Variants in UBE2F observed in about 807,000 individuals in gnomAD.
UBE2F encodes the protein NEDD8-conjugating enzyme UBE2F.
A neutral mutation model predicts 29.6 loss-of-function variants in UBE2F; 5 were observed. That is an observed-to-expected ratio of 0.17 (90% CI 0.09 to 0.36). The LOEUF (loss-of-function observed/expected upper bound fraction) is 0.36, where lower values mean the gene tolerates loss of function less well. UBE2F is among the 10% of genes least tolerant of loss of function. The pLI, the probability that UBE2F is intolerant of heterozygous loss-of-function variation, is 1.00. For missense variants in UBE2F, 141 were observed against 228.5 expected, an observed-to-expected ratio of 0.62 and a Z score of 2.47; for synonymous variants, 66 against 81.8, an observed-to-expected ratio of 0.81 and a Z score of 1.04.
intron 6 of UBE2F, 95 bp downstream of exon 6, chr2:238,025,507 G>A: frequency 8.4e-6 from 10 of 1,184,512 alleles, no homozygotes; most frequent in South Asian, 3.9e-5. Context: ...AAGATTTTGA[G>A]GCATGGCCAA....
chr2:238,026,960 C>T (rs2064446727), intron 6 of UBE2F, among the ~76,000 whole-genome samples: 1 of 152,160 alleles, frequency 6.6e-6, no homozygotes, highest in African/African-American at 2.4e-5. Context: ...GTGTTTGGCC[C>T]AGGCCCCCAC....
At position 237,973,081 on chromosome 2, in the gene UBE2F, C is replaced by T. The variant is rs748684746; in HGVS notation, c.-16-11C>T. 2.5e-6 allele frequency: 4 copies of T among 1,594,164 alleles called. No homozygotes were observed. The highest frequency in any genetic ancestry group is 3.4e-6 in the Non-Finnish European group (4 of 1,164,742). On this transcript the variant is annotated splice_polypyrimidine_tract_variant and intron_variant, in intron 1 of 9. Coordinates refer to ENST00000272930, the MANE Select transcript of UBE2F (RefSeq NM_080678.3). Reference sequence around the variant, plus strand: ...CTGGTCCTTAACCCTGCTTTCATTGCTGTCTTTCAGGGTAAAGGCAGCAGT... The same window carrying T: ...CTGGTCCTTAACCCTGCTTTCATTGTTGTCTTTCAGGGTAAAGGCAGCAGT...
chr2:238,005,828 A>T (rs1348039456), intron 4 of UBE2F, among the ~76,000 whole-genome samples: 2 of 152,134 alleles, frequency 1.3e-5, no homozygotes, highest in East Asian at 3.9e-4. Context: ...AAATCCCATC[A>T]TGTGACCTCT....
chr2:238,013,706 C>G (rs2064092590), intron 4 of UBE2F, among the ~76,000 whole-genome samples: 1 of 152,090 alleles, frequency 6.6e-6, no homozygotes, highest in Non-Finnish European at 1.5e-5. Flanking sequence ...TCTCGGTAAT[C>G]TTGAAGACAC....
intron 4 of UBE2F, among the ~76,000 whole-genome samples, chr2:237,995,317 C>T (rs1018557278): frequency 7.9e-5 from 12 of 152,186 alleles, no homozygotes; most frequent in Non-Finnish European, 1.2e-4. Flanking sequence ...CTCAGTAAGA[C>T]GGATAAGTGT....
At position 237,967,402 on chromosome 2, in the gene UBE2F, C is replaced by T. The variant is rs530924268; in HGVS notation, c.-17+270C>T. Among the ~76,000 whole-genome samples, 239 of 150,144 alleles carry T rather than the reference C, an allele frequency of 1.6e-3. 1 individual carries two copies. The highest frequency in any genetic ancestry group is 2.3e-3 in the Non-Finnish European group (152 of 67,310). ...GGCCTCGCCCGGCAGTGAGTGACCGCGGCGGCGGCGGCGGGGGACGGCCCG... is the reference window on the plus strand; with the variant it reads ...GGCCTCGCCCGGCAGTGAGTGACCGTGGCGGCGGCGGCGGGGGACGGCCCG... On this transcript the variant is annotated intron_variant, in intron 1 of 9. Transcript: ENST00000272930. This position sits in a 1 kb window ranked among gnomAD's most constrained non-coding sequence, Gnocchi z 6.3.
In UBE2F at chr2:237,992,112, T is replaced by TGCC. The variant is rs539107410; in HGVS notation, c.149-2631_149-2629dup. Reference sequence around the variant, plus strand: ...AACTCCTAACCTCTGGTGATCCACCTGCCTTGGCCTCCCAAAGTGCTAGGA... The same window carrying TGCC: ...AACTCCTAACCTCTGGTGATCCACCTGCCGCCTTGGCCTCCCAAAGTGCTAGGA... On this transcript the variant is annotated intron_variant, in intron 3 of 9. Transcript: ENST00000272930. Among the ~76,000 whole-genome samples, 69 of 152,246 alleles carry TGCC rather than the reference T, an allele frequency of 4.5e-4. No homozygotes were observed. In the East Asian group the frequency reaches 9.3e-3, roughly 20 times the overall value.
chr2:238,006,843 C>T (rs1347284151), intron 4 of UBE2F, among the ~76,000 whole-genome samples: 2 of 150,836 alleles, frequency 1.3e-5, no homozygotes, highest in Non-Finnish European at 2.9e-5. Context: ...ACAACCTCCA[C>T]CTCCCAGGTT....
chr2:238,015,504 GA>G lies in UBE2F; in HGVS notation c.215-1054del, dbSNP rs1194619601. On this transcript the variant is annotated intron_variant, in intron 4 of 9. Coordinates refer to ENST00000272930, the MANE Select transcript of UBE2F (RefSeq NM_080678.3). ...ATTTCTCTTCTATCAAATTGGCAAA[GA>G]AAAAAAATGTTAGGGTCCAGGTAAT... 2.0e-5 allele frequency among the ~76,000 whole-genome samples: 3 copies of G among 151,490 alleles called. No individual in the cohort carries two copies. In the East Asian group the frequency reaches 5.8e-4, roughly 29 times the overall value.
At chr2:238,016,055 G>A (rs181921304) in intron 4 of UBE2F, among the ~76,000 whole-genome samples, 25 of 152,314 alleles carry the variant, frequency 1.6e-4, no homozygotes, top group African/African-American at 6.0e-4. Context: ...AGCAATCACT[G>A]AGGCAGTGAT....
At chr2:237,977,373 C>G (rs986331861) in intron 2 of UBE2F, among the ~76,000 whole-genome samples, 6 of 152,226 alleles carry the variant, frequency 3.9e-5, no homozygotes, top group African/African-American at 1.4e-4. Context: ...CCTCCCCTCT[C>G]GTGGCCTTTC....
intron 4 of UBE2F, among the ~76,000 whole-genome samples, chr2:237,996,480 T>A (rs1358048762): frequency 1.3e-5 from 2 of 150,914 alleles, no homozygotes; most frequent in African/African-American, 4.9e-5. Flanking sequence ...CTCCGCGTTT[T>A]TTTTTTTTTT....
intron 4 of UBE2F, among the ~76,000 whole-genome samples, chr2:238,000,554 C>T (rs35734883): frequency 0.37 from 55,620 of 152,058 alleles, 10,368 homozygotes; most frequent in East Asian, 0.51. Context: ...TTTATTTACC[C>T]GTTGACCAGT....
chr2:238,004,609 A>G (rs2063864034), intron 4 of UBE2F, among the ~76,000 whole-genome samples: 1 of 152,196 alleles, frequency 6.6e-6, no homozygotes, highest in Non-Finnish European at 1.5e-5. Context: ...TGGCAGAATA[A>G]TGGCCCTAAA....
In UBE2F at chr2:237,982,655, A is replaced by T. The variant is rs770178592; in HGVS notation, c.119-5308A>T. Among the ~76,000 whole-genome samples, 14 of 152,224 alleles carry T rather than the reference A, an allele frequency of 9.2e-5. No homozygotes were observed. Among genetic ancestry groups the T allele is most frequent in the Non-Finnish European group, 2.1e-4 (14 of 68,042 alleles). On this transcript the variant is annotated intron_variant, in intron 2 of 9. Transcript: ENST00000272930. This position sits in a 1 kb window ranked among gnomAD's most constrained non-coding sequence, Gnocchi z 4.1. ...GGCCCTCAAGAACAGTTTCTTGTAAATTCTAATCAACAAAATATAAATAAT... is the reference window on the plus strand; with the variant it reads ...GGCCCTCAAGAACAGTTTCTTGTAATTTCTAATCAACAAAATATAAATAAT...
At chr2:238,029,296 A>C (rs2064512319) in intron 6 of UBE2F, among the ~76,000 whole-genome samples, 1 of 152,146 alleles carries the variant, frequency 6.6e-6, no homozygotes, top group South Asian at 2.1e-4. Flanking sequence ...TAAAAAAAAA[A>C]ACCCAGTTAC....
intron 5 of UBE2F, 70 bp from the exon 6 acceptor site, chr2:238,025,272 A>G: frequency 7.4e-7 from 1 of 1,349,764 alleles, no homozygotes; most frequent in South Asian, 1.2e-5. Context: ...GGATGTGGTA[A>G]GGCTCTGGCC....
At chr2:237,989,293 T>A (rs1035603135) in intron 3 of UBE2F, among the ~76,000 whole-genome samples, 5 of 152,082 alleles carry the variant, frequency 3.3e-5, no homozygotes, top group Non-Finnish European at 5.9e-5. Flanking sequence ...TAATGGTGGA[T>A]TGCAACCTCT....
intron 3 of UBE2F, 55 bp from the exon 4 acceptor site, chr2:237,994,689 A>G (rs1019891730): frequency 3.8e-5 from 54 of 1,424,596 alleles, no homozygotes; most frequent in Non-Finnish European, 4.9e-5. Flanking sequence ...GTTAGCGTCA[A>G]CATATGGACT....
Sources: allele counts gnomAD v4.1 joint callset (sites outside exome capture counted in the v4.1 genomes callset), GRCh38; gene constraint gnomAD v4.1.1; non-coding constraint Gnocchi (gnomAD v3.1); transcripts MANE v1.5; gene names NCBI Gene and HGNC (gene_info 2026-07-23, HGNC 2026-07-21).